The following ASAP2 variants were observed in gnomAD, a reference collection of about 807,000 sequenced individuals.
ASAP2 encodes the protein arf-GAP with SH3 domain, ANK repeat and PH domain-containing protein 2.
In ASAP2, 45 loss-of-function variants were observed where a neutral mutation model predicts 131.4. The observed-to-expected ratio is 0.34, with a 90% confidence interval of 0.27 to 0.44. The LOEUF (loss-of-function observed/expected upper bound fraction) is 0.44, where lower values mean the gene tolerates loss of function less well. Among genes scored for constraint, ASAP2 ranks in the 20% least tolerant of loss-of-function variants. The pLI is 1.00. For missense variants in ASAP2, 1,011 were observed against 1,297.0 expected (o/e 0.78, Z 3.39); for synonymous variants, 510 against 503.0 (o/e 1.01, Z -0.19).
rs756479913 is a variant in ASAP2 at position 9,391,050 on chromosome 2, G to T, written c.2384-12G>T. Reference sequence around the variant, plus strand: ...TGCGTGCATGCGTCTGTGTGCATGCGTGTGGGTTCAGTTCAGACAGCCTCC... The same window carrying T: ...TGCGTGCATGCGTCTGTGTGCATGCTTGTGGGTTCAGTTCAGACAGCCTCC... On this transcript the variant is annotated splice_polypyrimidine_tract_variant and intron_variant, in intron 22 of 27. Coordinates refer to ENST00000281419, the MANE Select transcript of ASAP2 (RefSeq NM_003887.3). 1 of 1,614,190 alleles carries T rather than the reference G, an allele frequency of 6.2e-7. No homozygotes were observed. The highest frequency in any genetic ancestry group is 1.7e-5 in the Admixed American group (1 of 60,032).
chr2:9,400,240 C>T lies in ASAP2; in HGVS notation c.2734+168C>T, dbSNP rs1296215248. 4.8e-5 allele frequency among the ~76,000 whole-genome samples: 7 copies of T among 144,338 alleles called. 1 individual carries two copies. The highest frequency in any genetic ancestry group is 7.6e-5 in the African/African-American group (3 of 39,346). The allele number at this position is 144,338 out of a possible 152,430, so 94.7% of individuals were successfully genotyped here. A position where few individuals can be genotyped will look rare whatever the true frequency, so the allele number is the denominator to read the frequency against. ...CCCCTCCCCTCCTGCCCCCTCCCCTCCTGCCCCCTTCCCCTCCTGCCCTCT... is the reference window on the plus strand; with the variant it reads ...CCCCTCCCCTCCTGCCCCCTCCCCTTCTGCCCCCTTCCCCTCCTGCCCTCT... On this transcript the variant is annotated intron_variant, in intron 25 of 27. Transcript: ENST00000281419.
At chr2:9,212,850 G>C (rs773374222) in intron 1 of ASAP2, among the ~76,000 whole-genome samples, 1 of 152,232 alleles carries the variant, frequency 6.6e-6, no homozygotes, top group South Asian at 2.1e-4. Flanking sequence ...AATTTTTACA[G>C]CATCTCCACG....
intron 5 of ASAP2, among the ~76,000 whole-genome samples, chr2:9,321,464 G>C (rs766720283): frequency 6.6e-6 from 1 of 152,180 alleles, no homozygotes; most frequent in African/African-American, 2.4e-5. Flanking sequence ...TCCCTGGTCC[G>C]TCAGCATCCT....
Position 9,374,840 on chromosome 2 carries a change from C to T in ASAP2, c.1642C>T (p.His548Tyr). Residue 548 changes from histidine (H) to tyrosine (Y), a missense_variant, in exon 17 of 28, where the codon CAC (histidine) becomes TAC (tyrosine). His to Tyr is a moderately conservative substitution (Grantham distance 83, BLOSUM62 2). Coordinates refer to ENST00000281419, the MANE Select transcript of ASAP2 (RefSeq NM_003887.3). ...GCACGCGGATAACGCGGCGAAGCTT[C>T]ACAGTCTTTGCGAGGCCGTCAAAAC... ...KKHADNAAKL[H>Y]SLCEAVKTRD... 6.2e-7 allele frequency: 1 copy of T among 1,614,130 alleles called. No homozygotes were observed.
At chr2:9,239,273 T>G (rs2148065093) in intron 1 of ASAP2, among the ~76,000 whole-genome samples, 1 of 152,360 alleles carries the variant, frequency 6.6e-6, no homozygotes, top group South Asian at 2.1e-4. Flanking sequence ...AGCACAGATT[T>G]GGTGTCATCA....
At chr2:9,286,902 C>T (rs1180118342) in intron 2 of ASAP2, among the ~76,000 whole-genome samples, 6 of 152,052 alleles carry the variant, frequency 3.9e-5, no homozygotes, top group Non-Finnish European at 7.4e-5. Context: ...TATTCACAAA[C>T]GAGGGTAGAA....
intron 3 of ASAP2, among the ~76,000 whole-genome samples, chr2:9,300,520 A>G (rs1274634824): frequency 6.6e-6 from 1 of 152,250 alleles, no homozygotes; most frequent in East Asian, 1.9e-4. Context: ...TGCAGGTCCT[A>G]GTTGCTGTCC....
intron 18 of ASAP2, among the ~76,000 whole-genome samples, chr2:9,378,680 G>A (rs1272802280): frequency 6.6e-6 from 1 of 152,194 alleles, no homozygotes; most frequent in Non-Finnish European, 1.5e-5. Flanking sequence ...CACATGCTCA[G>A]CAACAACAGG....
intron 19 of ASAP2, 91 bp downstream of exon 19, chr2:9,379,150 C>G: frequency 1.2e-6 from 1 of 866,650 alleles, no homozygotes; most frequent in Non-Finnish European, 1.6e-6. Flanking sequence ...GGAAACAGGG[C>G]CAACCCTGTG....
In ASAP2 at chr2:9,380,940, G is replaced by A. The variant is rs568788554; in HGVS notation, c.2016+132G>A. 95 of 1,003,758 alleles carry A rather than the reference G, an allele frequency of 9.5e-5. No individual in the cohort carries two copies. In the African/African-American group the frequency reaches 1.1e-3, roughly 11 times the overall value. 62.2% of individuals were successfully genotyped at this position (1,003,758 alleles called of 1,614,324 possible). ...CTCAGTGTTTCTGATGGGATGAGCC[G>A]AGAATCAGCCTGCCTTGGAGAAGGT... On this transcript the variant is annotated intron_variant, in intron 20 of 27. Coordinates refer to ENST00000281419, the MANE Select transcript of ASAP2 (RefSeq NM_003887.3).
In ASAP2 at chr2:9,374,774, A is replaced by G. The variant is rs745807252; in HGVS notation, c.1576A>G (p.Ile526Val). Reference sequence around the variant, plus strand: ...TTTCAGGAATGCAAGAAAGGACTACATCACAGCCAAGTACATCGAGAGGAG... The same window carrying G: ...TTTCAGGAATGCAAGAAAGGACTACGTCACAGCCAAGTACATCGAGAGGAG... ...GSDMNARKDY[I>V]TAKYIERRYA... The change falls in exon 17 of 28, where the codon ATC (isoleucine) becomes GTC (valine). Residue 526 changes from isoleucine to valine, a missense_variant. Physicochemically the swap from Ile to Val is conservative, Grantham distance 29. This residue lies in a region of ASAP2 where 652 missense variants were observed against 698.9 expected (regional missense o/e 0.93). Coordinates refer to ENST00000281419, the MANE Select transcript of ASAP2 (RefSeq NM_003887.3). 8.1e-6 allele frequency: 13 copies of G among 1,606,056 alleles called. No individual in the cohort carries two copies. The highest frequency in any genetic ancestry group is 1.7e-4 in the Middle Eastern group (1 of 5,908).
At position 9,367,027 on chromosome 2, in the gene ASAP2, AT is replaced by A. The variant is rs1171661319; in HGVS notation, c.1462-1380del. On this transcript the variant is annotated intron_variant, in intron 15 of 27. Coordinates refer to ENST00000281419, the MANE Select transcript of ASAP2 (RefSeq NM_003887.3). ...GTTTGTTAACTCCTTTGCCTGCATA[AT>A]TTTTTTTTTTTTTTTTTGTAGAGAT... 8.7e-3 allele frequency among the ~76,000 whole-genome samples: 1,151 copies of A among 132,808 alleles called. 14 individuals carry two copies. The highest frequency in any genetic ancestry group is 0.018 in the African/African-American group (594 of 32,312). 87.1% of individuals were successfully genotyped at this position (132,808 alleles called of 152,430 possible). A position where few individuals can be genotyped will look rare whatever the true frequency, so the allele number is the denominator to read the frequency against.
At chr2:9,314,082 C>A (rs948198205) in intron 3 of ASAP2, among the ~76,000 whole-genome samples, 2 of 152,220 alleles carry the variant, frequency 1.3e-5, no homozygotes, top group Non-Finnish European at 2.9e-5. Context: ...CTCCTGGATT[C>A]AAGTGATTCT....
intron 10 of ASAP2, 31 bp from the exon 11 acceptor site, chr2:9,344,700 A>C (rs1363287586): frequency 1.9e-6 from 3 of 1,613,112 alleles, no homozygotes; most frequent in Non-Finnish European, 2.5e-6. Flanking sequence ...AAATGTCTAA[A>C]CTCTTATTGT....
intron 3 of ASAP2, among the ~76,000 whole-genome samples, chr2:9,299,565 CAGGAA>C (rs2148404475): frequency 6.6e-6 from 1 of 152,270 alleles, no homozygotes; most frequent in Admixed American, 6.5e-5. Context: ...GGACCCAACA[CAGGAA>C]AGCAAGCAGT....
intron 3 of ASAP2, among the ~76,000 whole-genome samples, chr2:9,317,624 CCA>C (rs374814644): frequency 3.4e-4 from 51 of 150,094 alleles, no homozygotes; most frequent in Non-Finnish European, 6.1e-4. Flanking sequence ...ACAATCACAC[CCA>C]CACACACCCA....
intron 15 of ASAP2, among the ~76,000 whole-genome samples, chr2:9,367,975 G>A (rs1024232272): frequency 6.6e-6 from 1 of 152,218 alleles, no homozygotes; most frequent in Non-Finnish European, 1.5e-5. Context: ...TCACACAGCC[G>A]GTAATGGAGC....
chr2:9,305,028 C>G (rs1668770157), intron 3 of ASAP2, among the ~76,000 whole-genome samples: 2 of 120,564 alleles, frequency 1.7e-5, no homozygotes, highest in African/African-American at 3.3e-5. Flanking sequence ...GGTGGAGGGG[C>G]TAGTGTAGTG....
intron 1 of ASAP2, chr2:9,271,688 C>T (rs573251096): frequency 5.1e-5 from 28 of 551,182 alleles, no homozygotes; most frequent in East Asian, 1.6e-4. Flanking sequence ...GCAGAGGGTA[C>T]GGAAAGTAGG....
Sources: allele counts gnomAD v4.1 joint callset (sites outside exome capture counted in the v4.1 genomes callset), GRCh38; gene constraint gnomAD v4.1.1; regional missense constraint gnomAD v4.1.1; transcripts MANE v1.5; gene names NCBI Gene and HGNC (gene_info 2026-07-23, HGNC 2026-07-21).